Variants in BLK observed in about 807,000 individuals in gnomAD.
BLK encodes BLK proto-oncogene, Src family tyrosine kinase.
BLK carries 64 observed loss-of-function variants against 61.8 expected under a neutral mutation model. That is an observed-to-expected ratio of 1.03 (90% CI 0.85 to 1.27). BLK has a LOEUF of 1.27. BLK is among the 50% of genes most tolerant of loss of function. The pLI is 0.00. For synonymous variants in BLK, 351 were observed against 272.0 expected, an observed-to-expected ratio of 1.29 and a Z score of -2.86; for missense variants, 853 against 660.5, an observed-to-expected ratio of 1.29 and a Z score of -3.19.
intron 10 of BLK, chr8:11,558,814 C>T (rs1018933407): frequency 2.2e-5 from 10 of 455,564 alleles, no homozygotes; most frequent in African/African-American, 6.0e-5. Flanking sequence ...CACACACGTG[C>T]GTACACATAC....
At position 11,561,394 on chromosome 8, in the gene BLK, C is replaced by CA; in HGVS notation, c.1126dup (p.Ile376AsnfsTer3). ...TCCTGGTGTCTGAGGCCTTGTGCTG[C>CA]AAAATTGCTGATTTTGGCTTGGCTC... On this transcript the variant is annotated frameshift_variant, in exon 11 of 13. Transcript: ENST00000259089. LOFTEE classifies it high-confidence loss of function. The CA allele has an allele frequency of 6.2e-7, 1 of 1,614,140 alleles. No individual in the cohort carries two copies. The highest frequency in any genetic ancestry group is 8.5e-7 in the Non-Finnish European group (1 of 1,180,018).
intron 1 of BLK, among the ~76,000 whole-genome samples, chr8:11,523,522 C>T (rs1352253376): frequency 6.6e-6 from 1 of 152,152 alleles, no homozygotes; most frequent in African/African-American, 2.4e-5. Context: ...CACTATACAC[C>T]AGCCTGGATG....
chr8:11,527,270 C>T (rs1233414685), intron 1 of BLK, among the ~76,000 whole-genome samples: 2 of 152,106 alleles, frequency 1.3e-5, no homozygotes, highest in African/African-American at 2.4e-5. Context: ...AATAACATTC[C>T]ACAAAATTCA....
At chr8:11,503,500 T>C (rs1375259587) in intron 1 of BLK, among the ~76,000 whole-genome samples, 1 of 152,154 alleles carries the variant, frequency 6.6e-6, no homozygotes, top group African/African-American at 2.4e-5. Context: ...TGCTCTATTT[T>C]TTTCTGCTCC....
At chr8:11,528,994 G>A (rs901302882) in intron 1 of BLK, among the ~76,000 whole-genome samples, 6 of 152,070 alleles carry the variant, frequency 3.9e-5, no homozygotes, top group Non-Finnish European at 8.8e-5. Context: ...AATGGATGCT[G>A]GACCGAATAC....
chr8:11,549,223 G>A, intron 5 of BLK, 101 bp downstream of exon 5: 2 of 1,070,216 alleles, frequency 1.9e-6, no homozygotes, highest in Non-Finnish European at 2.8e-6. Flanking sequence ...TGACCAGGGA[G>A]CCTGCAGGCA....
chr8:11,497,883 A>G (rs573004888), intron 1 of BLK, among the ~76,000 whole-genome samples: 92 of 152,312 alleles, frequency 6.0e-4, no homozygotes, highest in African/African-American at 2.2e-3. Flanking sequence ...CAGCCAGGTC[A>G]GTCTGGCTCT....
Position 11,543,295 on chromosome 8 carries a change from G to GC in BLK, c.76dup (p.Leu26ProfsTer29), listed in dbSNP as rs1317478790. The GC allele has an allele frequency of 1.2e-6, 2 of 1,613,710 alleles. No individual in the cohort carries two copies. Among genetic ancestry groups the GC allele is most frequent in the African/African-American group, 1.3e-5 (1 of 74,914 alleles). The stretch of plus-strand genomic sequence containing the variant: ...AAAGAGAAGGACAAGGGCCAATGGA[G>GC]CCCCCTGAAGGTCAGCGCCCAAGAC... On this transcript the variant is annotated frameshift_variant, in exon 2 of 13. Coordinates refer to ENST00000259089, the MANE Select transcript of BLK (RefSeq NM_001715.3). LOFTEE classifies it high-confidence loss of function.
chr8:11,531,019 C>G (rs554929531), intron 1 of BLK, among the ~76,000 whole-genome samples: 36 of 152,124 alleles, frequency 2.4e-4, no homozygotes, highest in Non-Finnish European at 4.0e-4. Context: ...TATGATCGGT[C>G]ATCTAATTTT....
At chr8:11,508,701 C>T (rs1427599466) in intron 1 of BLK, among the ~76,000 whole-genome samples, 2 of 152,236 alleles carry the variant, frequency 1.3e-5, no homozygotes, top group Admixed American at 1.3e-4. Context: ...AGACACTGTG[C>T]TGGGCCTCGG....
intron 8 of BLK, chr8:11,555,723 C>A (rs544403485): frequency 1.6e-6 from 1 of 629,382 alleles, no homozygotes; most frequent in Non-Finnish European, 2.8e-6. Flanking sequence ...CTCACCCAGC[C>A]CCGAAGTCGC....
At chr8:11,539,925 G>C (rs980061562) in intron 1 of BLK, among the ~76,000 whole-genome samples, 25 of 152,164 alleles carry the variant, frequency 1.6e-4, no homozygotes, top group Admixed American at 1.4e-3. Context: ...AAAAGTTTAT[G>C]AGCTTTGTAT....
chr8:11,519,749 T>C (rs1446955001), intron 1 of BLK, among the ~76,000 whole-genome samples: 2 of 152,198 alleles, frequency 1.3e-5, no homozygotes, highest in Non-Finnish European at 2.9e-5. Flanking sequence ...ATGGCGTAGT[T>C]TGTAAACTGT....
intron 10 of BLK, chr8:11,558,506 G>T (rs940650601): frequency 5.3e-6 from 2 of 375,884 alleles, no homozygotes; most frequent in African/African-American, 4.2e-5. Context: ...ACCCCAGGCT[G>T]ATGGGCAGGC....
rs989733850 is a variant in BLK at position 11,543,206 on chromosome 8, G to T, written c.-1-18G>T. 4 of 1,613,426 alleles carry T rather than the reference G, an allele frequency of 2.5e-6. No individual in the cohort carries two copies. In the African/African-American group the frequency reaches 5.3e-5, roughly 22 times the overall value. On this transcript the variant is annotated intron_variant, in intron 1 of 12. Transcript: ENST00000259089. ...CCCCGCTCTCTCATGTCCTCTGTCT[G>T]CTGTGTGTCTCCGACAGGATGGGGC...
chr8:11,520,087 T>C (rs895033058), intron 1 of BLK, among the ~76,000 whole-genome samples: 1 of 152,178 alleles, frequency 6.6e-6, no homozygotes, highest in South Asian at 2.1e-4. Context: ...TAATATAGAG[T>C]CAAAAATACT....
chr8:11,544,919 G>A (rs149341294), intron 2 of BLK, among the ~76,000 whole-genome samples: 13 of 152,208 alleles, frequency 8.5e-5, no homozygotes, highest in East Asian at 3.9e-4. Flanking sequence ...AAAGAGACTC[G>A]TTCCTTTGAA....
chr8:11,561,449 G>A lies in BLK; in HGVS notation c.1177G>A (p.Glu393Lys). Residue 393 changes from glutamate to lysine, a missense_variant, in exon 11 of 13, where the codon GAG becomes AAG. Transcript: ENST00000259089. ...RIIDSEYTAQ[E>K]GAKFPIKWTA... ...CATCGACAGTGAATACACGGCCCAA[G>A]AGGGTAAGCACAGCCCCTAACCACA... The A allele has an allele frequency of 6.2e-7, 1 of 1,613,718 alleles. No homozygotes were observed. The highest frequency in any genetic ancestry group is 8.5e-7 in the Non-Finnish European group (1 of 1,179,886).
intron 5 of BLK, 141 bp downstream of exon 5, chr8:11,549,263 T>A: frequency 1.3e-6 from 1 of 787,554 alleles, no homozygotes; most frequent in Middle Eastern, 2.6e-4. Flanking sequence ...AAATGAGCTC[T>A]GCTGGGAAAG....
Sources: allele counts gnomAD v4.1 joint callset (sites outside exome capture counted in the v4.1 genomes callset), GRCh38; gene constraint gnomAD v4.1.1; transcripts MANE v1.5; gene names NCBI Gene and HGNC (gene_info 2026-07-23, HGNC 2026-07-21).